MTMR3: variants seen among roughly 807,000 people sequenced by gnomAD.
The protein encoded by MTMR3 is myotubularin related protein 3.
MTMR3 carries 32 observed loss-of-function variants against 132.4 expected under a neutral mutation model. The observed-to-expected ratio is 0.24, with a 90% CI of 0.18 to 0.32. MTMR3 has a LOEUF of 0.32. Among genes scored for constraint, MTMR3 ranks in the 10% least tolerant of loss-of-function variants. The probability of loss-of-function intolerance (pLI) is 1.00; values close to 1 mark genes in which losing one functional copy is unlikely to be tolerated. For missense variants in MTMR3, 1,216 were observed against 1,489.6 expected (o/e 0.82, Z 3.02); for synonymous variants, 556 against 550.3 (o/e 1.01, Z -0.14).
chr22:30,019,202 C>CA (rs796476094), intron 16 of MTMR3: 15,134 of 155,796 alleles, frequency 0.097, 99 homozygotes, highest in Non-Finnish European at 0.11. Flanking sequence ...GACTCCGTCT[C>CA]AAAAAAAAAA....
chr22:29,922,918 T>G (rs954239783), intron 1 of MTMR3, among the ~76,000 whole-genome samples: 2 of 150,594 alleles, frequency 1.3e-5, no homozygotes, highest in African/African-American at 4.9e-5. Context: ...AGACTGGGTC[T>G]CACTCTGTCA....
rs562366791 is a variant in MTMR3, at chr22:29,887,071, T to C, written c.-138+3712T>C. On this transcript the variant is annotated intron_variant, in intron 1 of 19. Coordinates refer to ENST00000401950, the MANE Select transcript of MTMR3 (RefSeq NM_021090.4). ...TACCAAATTATTAACATGTCATTGC[T>C]ATTTTTAATCTTAATTTTGTGATAT... is the stretch of plus-strand genomic sequence containing the variant. Among the ~76,000 whole-genome samples, 11 of 152,370 alleles carry C rather than the reference T, an allele frequency of 7.2e-5. No homozygotes were observed. In the South Asian group the frequency reaches 2.3e-3, roughly 32 times the overall value.
At chr22:29,962,219 A>G (rs566522033) in intron 2 of MTMR3, among the ~76,000 whole-genome samples, 1 of 152,096 alleles carries the variant, frequency 6.6e-6, no homozygotes, top group African/African-American at 2.4e-5. Context: ...CTGCTTACCA[A>G]TTTTTTTTAA....
intron 1 of MTMR3, among the ~76,000 whole-genome samples, chr22:29,910,013 C>T (rs893427404): frequency 6.6e-5 from 10 of 152,126 alleles, no homozygotes; most frequent in Admixed American, 3.3e-4. Context: ...AAAAATTAGC[C>T]GGGCATGGTG....
At chr22:29,893,426 C>T (rs2064835232) in intron 1 of MTMR3, among the ~76,000 whole-genome samples, 1 of 152,154 alleles carries the variant, frequency 6.6e-6, no homozygotes, top group South Asian at 2.1e-4. Flanking sequence ...GAAACATACT[C>T]ATTAGTTGGT....
At chr22:29,919,329 T>G (rs1368598458) in intron 1 of MTMR3, among the ~76,000 whole-genome samples, 1 of 152,208 alleles carries the variant, frequency 6.6e-6, no homozygotes, top group Non-Finnish European at 1.5e-5. Flanking sequence ...TGTCTTACCA[T>G]GGATTTCTCA....
At chr22:29,916,015 G>A (rs2065301013) in intron 1 of MTMR3, among the ~76,000 whole-genome samples, 1 of 151,642 alleles carries the variant, frequency 6.6e-6, no homozygotes, top group Admixed American at 6.6e-5. Context: ...GAATCCTATG[G>A]CGTTATGTCT....
chr22:29,952,708 G>C (rs1242814455), intron 1 of MTMR3, among the ~76,000 whole-genome samples: 1 of 152,168 alleles, frequency 6.6e-6, no homozygotes, highest in Non-Finnish European at 1.5e-5. Context: ...ATGTAGCCAT[G>C]CTTTTAACTC....
At chr22:29,912,954 C>G (rs1438311139) in intron 1 of MTMR3, among the ~76,000 whole-genome samples, 3 of 152,066 alleles carry the variant, frequency 2.0e-5, no homozygotes, top group Admixed American at 6.6e-5. Flanking sequence ...TCGAAAGGGT[C>G]TTAGTCAGCC....
intron 1 of MTMR3, among the ~76,000 whole-genome samples, chr22:29,935,901 C>T (rs915707193): frequency 2.6e-5 from 4 of 151,970 alleles, no homozygotes; most frequent in South Asian, 2.1e-4. Flanking sequence ...TATAGGCGCC[C>T]GCCACCACGC....
chr22:30,007,342 G>GGCAATGATTTTTATA, intron 10 of MTMR3, 23 bp downstream of exon 10: 1 of 1,608,438 alleles, frequency 6.2e-7, no homozygotes, highest in Non-Finnish European at 8.5e-7. Context: ...CTGGACCCAT[G>GGCAATGATTTTTATA]GCAATGATTT....
rs904375125 is a variant in MTMR3 at position 29,954,063 on chromosome 22, T to C, written c.-137-2973T>C. On this transcript the variant is annotated intron_variant, in intron 1 of 19. Coordinates refer to ENST00000401950, the MANE Select transcript of MTMR3 (RefSeq NM_021090.4). ...TTTTTTTTCTTTCAAATGAGTCTTT[T>C]TTTTTTTTTTTTTTTTTTTTGTCTC... 4.8e-3 allele frequency among the ~76,000 whole-genome samples: 415 copies of C among 86,332 alleles called. 1 individual carries two copies. The highest frequency in any genetic ancestry group is 0.022 in the African/African-American group (391 of 17,930). The allele number at this position is 86,332 out of a possible 152,430, so 56.6% of individuals were successfully genotyped here.
At chr22:29,974,695 G>A (rs1005745742) in intron 3 of MTMR3, among the ~76,000 whole-genome samples, 1 of 152,172 alleles carries the variant, frequency 6.6e-6, no homozygotes, top group African/African-American at 2.4e-5. Flanking sequence ...CATTACTTCA[G>A]TTCTGTGCTA....
At chr22:30,015,132 G>C (rs1456878826) in intron 14 of MTMR3, 1 of 152,110 alleles carries the variant, frequency 6.6e-6, no homozygotes, top group Admixed American at 6.6e-5. Context: ...CTGCAGCCTT[G>C]AACTCCCAGG....
intron 5 of MTMR3, chr22:29,986,443 T>C: frequency 2.0e-6 from 1 of 490,784 alleles, no homozygotes; most frequent in African/African-American, 2.1e-5. Context: ...CTAATCTGTC[T>C]TCTTAATCTC....
intron 9 of MTMR3, chr22:30,003,469 T>C (rs2067216225): frequency 6.6e-6 from 1 of 151,996 alleles, no homozygotes; most frequent in South Asian, 2.1e-4. Flanking sequence ...CATGACTAGA[T>C]AGAAGATTTC....
At chr22:30,016,992 T>A in intron 15 of MTMR3, 1 of 289,990 alleles carries the variant, frequency 3.4e-6, no homozygotes, top group Non-Finnish European at 6.5e-6. Context: ...ATTTCTAGCA[T>A]ATTCTGTCTT....
intron 3 of MTMR3, 111 bp downstream of exon 3, chr22:29,971,173 A>AT: frequency 8.9e-7 from 1 of 1,129,822 alleles, no homozygotes; most frequent in Non-Finnish European, 1.2e-6. Flanking sequence ...GTAAGAAATT[A>AT]TTTCTTTTTC....
chr22:29,978,859 C>T (rs2066682667), intron 4 of MTMR3, 77 bp from the exon 5 acceptor site: 1 of 1,034,224 alleles, frequency 9.7e-7, no homozygotes, highest in African/African-American at 1.6e-5. Flanking sequence ...ATTTACCATC[C>T]ATTCAGCCAA....
Sources: allele counts gnomAD v4.1 joint callset (sites outside exome capture counted in the v4.1 genomes callset), GRCh38; gene constraint gnomAD v4.1.1; transcripts MANE v1.5; gene names NCBI Gene and HGNC (gene_info 2026-07-23, HGNC 2026-07-21).